Variants in KRT28 observed in about 807,000 individuals in gnomAD.
KRT28 encodes the protein keratin, type I cytoskeletal 28.
In KRT28, 45 loss-of-function variants were observed where a neutral mutation model predicts 48.1. That is an observed-to-expected ratio of 0.94 (90% CI 0.74 to 1.20). The LOEUF (loss-of-function observed/expected upper bound fraction) is 1.20. Among genes scored for constraint, KRT28 ranks in the 50% most tolerant of loss-of-function variants. The probability of loss-of-function intolerance (pLI) is 0.00; values close to 1 mark genes in which losing one functional copy is unlikely to be tolerated. For synonymous variants in KRT28, 228 were observed against 227.4 expected (o/e 1.00, Z -0.03); for missense variants, 571 against 574.1 (o/e 0.99, Z 0.06).
intron 5 of KRT28, 133 bp downstream of exon 5, chr17:40,796,783 C>T: frequency 8.2e-7 from 1 of 1,216,364 alleles, no homozygotes. Flanking sequence ...TTTTTTCCTG[C>T]TCTCCTCCAC....
chr17:40,799,439 C>T lies in KRT28; in HGVS notation c.450+5G>A. 1 of 1,589,496 alleles carries T rather than the reference C, an allele frequency of 6.3e-7. No individual in the cohort carries two copies. Among genetic ancestry groups the T allele is most frequent in the Non-Finnish European group, 8.6e-7 (1 of 1,166,046 alleles). ...TGGGTTAGTTCCAAATCTGTGATTT[C>T]TCACCTTATTCTTAAGATCCTCAAT... is the stretch of plus-strand genomic sequence containing the variant. On this transcript the variant is annotated splice_donor_5th_base_variant and intron_variant, in intron 1 of 7. Transcript: ENST00000306658.
Position 40,795,114 on chromosome 17 carries a change from G to A in KRT28, c.979-1068C>T, listed in dbSNP as rs141638668. 5.8e-3 allele frequency among the ~76,000 whole-genome samples: 875 copies of A among 152,116 alleles called. 7 individuals carry two copies. Among genetic ancestry groups the A allele is most frequent in the African/African-American group, 0.017 (724 of 41,522 alleles). On this transcript the variant is annotated intron_variant, in intron 5 of 7. Coordinates refer to ENST00000306658, the MANE Select transcript of KRT28 (RefSeq NM_181535.3). ...GGAATTACACAATATTTGTCTTAAC[G>A]GGCAGACATTGGGTCTAATGGGGCT...
chr17:40,798,281 T>C lies in KRT28; in HGVS notation c.644A>G (p.Glu215Gly), dbSNP rs773427081. ...LCRTDQELQY[E>G]SLSEEMTYLK... is the part of the protein sequence containing the mutation. ...ATATGTCATCTCCTCACTCAGAGAC[T>C]CATATTGCAGCTCCTGGTCGGTCCT... Residue 215 changes from glutamate (E) to glycine (G), a missense_variant, in exon 3 of 8, where the codon GAG becomes GGG. Physicochemically the swap from Glu to Gly is moderately conservative, Grantham distance 98 (BLOSUM62 -2). Coordinates refer to ENST00000306658, the MANE Select transcript of KRT28 (RefSeq NM_181535.3). 2 of 1,613,228 alleles carry C rather than the reference T, an allele frequency of 1.2e-6. No homozygotes were observed. Among genetic ancestry groups the C allele is most frequent in the African/African-American group, 2.7e-5 (2 of 74,922 alleles).
chr17:40,793,287 G>A, intron 6 of KRT28, 77 bp from the exon 7 acceptor site: 1 of 923,402 alleles, frequency 1.1e-6, no homozygotes, highest in Non-Finnish European at 1.6e-6. Context: ...CTCAATGAAT[G>A]AAATTTGTAT....
At position 40,797,296 on chromosome 17, in the gene KRT28, G is replaced by C. The variant is rs1227309297; in HGVS notation, c.691-15C>G. 2.5e-6 allele frequency: 4 copies of C among 1,609,948 alleles called. No individual in the cohort carries two copies. The highest frequency in any genetic ancestry group is 2.5e-6 in the Non-Finnish European group (3 of 1,177,666). ...GCCTTCATCTCCTGGAGAGAAGCAA[G>C]AGTGTGGCTTTAGGGGCATTGCAGG... On this transcript the variant is annotated splice_polypyrimidine_tract_variant and intron_variant, in intron 3 of 7. Coordinates refer to ENST00000306658, the MANE Select transcript of KRT28 (RefSeq NM_181535.3).
At position 40,796,990 on chromosome 17, in the gene KRT28, C is replaced by A. The variant is rs146193469; in HGVS notation, c.904G>T (p.Ala302Ser). Residue 302 changes from alanine (A) to serine (S), a missense_variant, in exon 5 of 8, where the codon GCC becomes TCC. Transcript: ENST00000306658. ...CTCATCTCGGTGAGCTGGCTCCGGG[C>A]GAAAGTGGCTGCGCCTGAGTCGTGG... is the stretch of plus-strand genomic sequence containing the variant. ...ISHDSGAATFARSQLTEMRRT... is the reference protein window; with the variant it reads ...ISHDSGAATFSRSQLTEMRRT... 2.2e-5 allele frequency: 35 copies of A among 1,612,474 alleles called. No individual in the cohort carries two copies. Among genetic ancestry groups the A allele is most frequent in the African/African-American group, 1.6e-4 (12 of 74,758 alleles).
At position 40,793,878 on chromosome 17, in the gene KRT28, A is replaced by G. The variant is rs760770692; in HGVS notation, c.1147T>C (p.Leu383=). The change falls in exon 6 of 8, where the codon TTG becomes CTG. Residue 383 remains leucine, a synonymous_variant. Coordinates refer to ENST00000306658, the MANE Select transcript of KRT28 (RefSeq NM_181535.3). ...CAGTAGGTCTCAATTTCTTTTTCCAAGTGGACCTTGACATCGAGGAGATGC... is the reference window on the plus strand; with the variant it reads ...CAGTAGGTCTCAATTTCTTTTTCCAGGTGGACCTTGACATCGAGGAGATGC... The part of the protein sequence containing the change: ...YEHLLDVKVH[L]EKEIETYCRL... 1.2e-6 allele frequency: 2 copies of G among 1,613,852 alleles called. No homozygotes were observed. Among genetic ancestry groups the G allele is most frequent in the South Asian group, 2.2e-5 (2 of 91,062 alleles).
chr17:40,792,615 C>T lies in KRT28; in HGVS notation c.1253-46G>A, dbSNP rs200708885. 8.7e-5 allele frequency: 123 copies of T among 1,419,054 alleles called. 2 individuals are homozygous for T. The Middle Eastern group carries it at 2.5e-3, about 28-fold the overall frequency. 87.9% of individuals were successfully genotyped at this position (1,419,054 alleles called of 1,614,324 possible). ...TACATATATTCAACCAAAAAGATTA[C>T]ATGACAATTCCACTGCTAGTTCAAT... On this transcript the variant is annotated intron_variant, in intron 7 of 7. Transcript: ENST00000306658.
chr17:40,794,236 C>T (rs1196828043), intron 5 of KRT28, among the ~76,000 whole-genome samples, 190 bp from the exon 6 acceptor site: 1 of 152,130 alleles, frequency 6.6e-6, no homozygotes, highest in Non-Finnish European at 1.5e-5. Context: ...GACGTGGGAT[C>T]CTGACCCGGG....
intron 5 of KRT28, among the ~76,000 whole-genome samples, chr17:40,796,499 T>C (rs921282588): frequency 6.6e-6 from 1 of 152,180 alleles, no homozygotes; most frequent in African/African-American, 2.4e-5. Context: ...GCTTCTAATA[T>C]GTCTTCATCA....
chr17:40,794,086 C>T lies in KRT28; in HGVS notation c.979-40G>A, dbSNP rs552369769. On this transcript the variant is annotated intron_variant, in intron 5 of 7. Coordinates refer to ENST00000306658, the MANE Select transcript of KRT28 (RefSeq NM_181535.3). ...GAAGCCGTGGCAAGGGATGAAAACA[C>T]TCTGAGGACTAGTAGAACATTGTTT... 1.4e-4 allele frequency: 224 copies of T among 1,606,616 alleles called. 5 individuals are homozygous for T. Among genetic ancestry groups the T allele is most frequent in the South Asian group, 1.4e-3 (123 of 90,904 alleles).
chr17:40,799,902 G>A lies in KRT28; in HGVS notation c.-9C>T, dbSNP rs777829083. ...GAAAATTGGAGAGACATGGTGTTTT[G>A]AGAAATGTTCACCTTGTCTATGCAA... On this transcript the variant is annotated 5_prime_UTR_variant, in exon 1 of 8. It introduces an in-frame stop codon into an upstream open reading frame of the 5' UTR. Coordinates refer to ENST00000306658, the MANE Select transcript of KRT28 (RefSeq NM_181535.3). The A allele has an allele frequency of 1.3e-6, 2 of 1,598,716 alleles. No homozygotes were observed. The highest frequency in any genetic ancestry group is 1.7e-5 in the Admixed American group (1 of 59,714).
Position 40,798,360 on chromosome 17 carries a change from C to G in KRT28, c.565G>C (p.Val189Leu), listed in dbSNP as rs139807956. 8,201 of 1,611,546 alleles carry G rather than the reference C, an allele frequency of 5.1e-3. 22 individuals carry two copies. Among genetic ancestry groups the G allele is most frequent in the Non-Finnish European group, 6.1e-3 (7,175 of 1,178,612 alleles). Reference protein sequence around the residue: ...YENELTLHQNVEADINGLRRV... With the variant: ...YENELTLHQNLEADINGLRRV... ...CGTAATCCGTTGATGTCGGCCTCTACGTTTTGGTGAAGGGTGAGCTCATTT... is the reference window on the plus strand; with the variant it reads ...CGTAATCCGTTGATGTCGGCCTCTAGGTTTTGGTGAAGGGTGAGCTCATTT... Residue 189 changes from valine (V) to leucine (L), a missense_variant, in exon 3 of 8, where the codon GTA becomes CTA. Coordinates refer to ENST00000306658, the MANE Select transcript of KRT28 (RefSeq NM_181535.3).
Position 40,798,310 on chromosome 17 carries a change from G to A in KRT28, c.615C>T (p.Leu205=). 1 of 1,613,690 alleles carries A rather than the reference G, an allele frequency of 6.2e-7. No individual in the cohort carries two copies. Among genetic ancestry groups the A allele is most frequent in the Admixed American group, 1.7e-5 (1 of 60,026 alleles). The change falls in exon 3 of 8, where the codon CTC becomes CTT. Residue 205 remains leucine, a synonymous_variant. Transcript: ENST00000306658. ...GLRRVLDELT[L]CRTDQELQYE... is the part of the protein sequence containing the mutation. ...ATTGCAGCTCCTGGTCGGTCCTGCAGAGCGTCAGCTCGTCCAGGACTCGCC... is the reference window on the plus strand; with the variant it reads ...ATTGCAGCTCCTGGTCGGTCCTGCAAAGCGTCAGCTCGTCCAGGACTCGCC...
Position 40,797,187 on chromosome 17 carries a change from ATGT to A in KRT28, c.782_784del (p.Asn261del). ...TGCAAGGGCTTCGTACTCCGCTCGC[ATGT>A]TGTTCAACAAAACCGCGAGGTCTAC... On this transcript the variant is annotated inframe_deletion, in exon 4 of 8. Coordinates refer to ENST00000306658, the MANE Select transcript of KRT28 (RefSeq NM_181535.3). The A allele has an allele frequency of 1.2e-6, 2 of 1,614,114 alleles. No individual in the cohort carries two copies. The highest frequency in any genetic ancestry group is 1.7e-6 in the Non-Finnish European group (2 of 1,180,008).
intron 6 of KRT28, 50 bp downstream of exon 6, chr17:40,793,779 T>G: frequency 8.2e-6 from 13 of 1,581,020 alleles, no homozygotes; most frequent in Non-Finnish European, 1.1e-5. Flanking sequence ...GCAGCCCACA[T>G]TTGTAGCTTA....
At chr17:40,796,830 G>T in intron 5 of KRT28, 86 bp downstream of exon 5, 1 of 1,487,694 alleles carries the variant, frequency 6.7e-7, no homozygotes. Context: ...AGGTATAATA[G>T]GAAAAAAGAA....
At chr17:40,799,356 G>C in intron 1 of KRT28, 88 bp downstream of exon 1, 6 of 1,064,970 alleles carry the variant, frequency 5.6e-6, no homozygotes, top group Non-Finnish European at 8.1e-6. Context: ...AGTTATAACA[G>C]TCATGAAGCA....
At position 40,798,103 on chromosome 17, in the gene KRT28, C is replaced by T. The variant is rs939423052; in HGVS notation, c.690+132G>A. On this transcript the variant is annotated intron_variant, in intron 3 of 7. Coordinates refer to ENST00000306658, the MANE Select transcript of KRT28 (RefSeq NM_181535.3). The stretch of plus-strand genomic sequence containing the variant: ...CCTCGTAGTAGGTAGTATTATTAGA[C>T]TAATCTGTCTGTATCCGTTGGCAAA... 6 of 779,418 alleles carry T rather than the reference C, an allele frequency of 7.7e-6. No homozygotes were observed. The African/African-American group carries it at 1.0e-4, about 13-fold the overall frequency. The allele number at this position is 779,418 out of a possible 1,614,324, so 48.3% of individuals were successfully genotyped here.
Sources: gnomAD v4.1 joint callset for allele counts (sites outside exome capture counted in the v4.1 genomes callset) on GRCh38, gnomAD v4.1.1 for gene constraint, MANE v1.5 for transcripts, NCBI Gene and HGNC (gene_info 2026-07-23, HGNC 2026-07-21) for gene names.